SLC5A4: variants seen among roughly 807,000 people sequenced by gnomAD.
The protein encoded by SLC5A4 is probable glucose sensor protein SLC5A4.
Under a neutral mutation model 70.3 loss-of-function variants are expected in SLC5A4, and 55 were observed. The observed-to-expected ratio is 0.78, with a 90% CI of 0.63 to 0.98. The LOEUF (loss-of-function observed/expected upper bound fraction) is 0.98, where lower values mean the gene tolerates loss of function less well. Among genes scored for constraint, SLC5A4 ranks in the 50% least tolerant of loss-of-function variants. The probability of loss-of-function intolerance (pLI) is 0.00; values close to 1 mark genes in which losing one functional copy is unlikely to be tolerated. For synonymous variants in SLC5A4, 268 were observed against 305.7 expected, an observed-to-expected ratio of 0.88 and a Z score of 1.29; for missense variants, 735 against 839.2, an observed-to-expected ratio of 0.88 and a Z score of 1.53.
the SLC5A4 span, among the ~76,000 whole-genome samples, chr22:32,320,333 C>T: frequency 7.9e-5 from 12 of 152,154 alleles, no homozygotes; most frequent in South Asian, 2.1e-4. Flanking sequence ...TACAGATGCC[C>T]ACATCCTCTG....
At chr22:32,338,292 G>A in the SLC5A4 span, among the ~76,000 whole-genome samples, 1 of 152,154 alleles carries the variant, frequency 6.6e-6, no homozygotes, top group Non-Finnish European at 1.5e-5. Context: ...TAAAATAAAT[G>A]GGCAACTCAC....
At chr22:32,311,729 T>TG in the SLC5A4 span, among the ~76,000 whole-genome samples, 4 of 151,958 alleles carry the variant, frequency 2.6e-5, no homozygotes, top group African/African-American at 9.7e-5. Flanking sequence ...CTGCCCAGCA[T>TG]GGGGCCTGGC....
chr22:32,328,484 A>T, the SLC5A4 span, among the ~76,000 whole-genome samples: 1 of 152,150 alleles, frequency 6.6e-6, no homozygotes, highest in South Asian at 2.1e-4. Flanking sequence ...TTGGGTGGTC[A>T]GCTGTCATGC....
chr22:32,336,561 G>A, the SLC5A4 span, among the ~76,000 whole-genome samples: 46 of 152,338 alleles, frequency 3.0e-4, no homozygotes, highest in East Asian at 1.3e-3. Context: ...AAACAGGTGT[G>A]CCATGTTGCC....
intron 11 of SLC5A4, among the ~76,000 whole-genome samples, chr22:32,228,580 G>A (rs1044765922): frequency 6.6e-6 from 1 of 151,600 alleles, no homozygotes; most frequent in African/African-American, 2.4e-5. Context: ...GGGTCTTCTC[G>A]AAAATTGTGA....
the SLC5A4 span, among the ~76,000 whole-genome samples, chr22:32,295,591 T>G: frequency 2.0e-5 from 2 of 99,848 alleles, 1 homozygote; most frequent in Non-Finnish European, 4.3e-5. Flanking sequence ...GAAAATTTTC[T>G]CCCATTTTGT....
chr22:32,224,155 C>T (rs1925255329), intron 13 of SLC5A4, 112 bp downstream of exon 13: 9 of 751,400 alleles, frequency 1.2e-5, no homozygotes, highest in African/African-American at 3.5e-5. Flanking sequence ...CTCCTGACCT[C>T]GTGATCCGCC....
At chr22:32,259,165 C>A (rs1410393082), upstream of SLC5A4, among the ~76,000 whole-genome samples, 1 of 152,162 alleles carries the variant, frequency 6.6e-6, no homozygotes, top group Admixed American at 6.5e-5. Context: ...ATTGTACCTA[C>A]AATTAAGTAC....
chr22:32,287,827 C>T, the SLC5A4 span, among the ~76,000 whole-genome samples: 1 of 151,438 alleles, frequency 6.6e-6, no homozygotes. Context: ...TGTCTTCATT[C>T]TCTCCATTTA....
At chr22:32,234,193 G>A (rs1384055137) in intron 8 of SLC5A4, among the ~76,000 whole-genome samples, 2 of 152,220 alleles carry the variant, frequency 1.3e-5, no homozygotes, top group Non-Finnish European at 2.9e-5. Context: ...GGGTTATAGG[G>A]TCTGAGAGCA....
chr22:32,303,440 T>C, the SLC5A4 span, among the ~76,000 whole-genome samples: 2 of 152,212 alleles, frequency 1.3e-5, no homozygotes, highest in Middle Eastern at 3.2e-3. Flanking sequence ...TACCTTAGTT[T>C]GGCTTTAGTG....
At chr22:32,249,676 A>G (rs1046259775) in intron 3 of SLC5A4, among the ~76,000 whole-genome samples, 1 of 152,232 alleles carries the variant, frequency 6.6e-6, no homozygotes, top group African/African-American at 2.4e-5. Context: ...ACTTTCCTTT[A>G]CACAGGCATC....
At chr22:32,349,427 A>C in the SLC5A4 span, among the ~76,000 whole-genome samples, 20 of 152,330 alleles carry the variant, frequency 1.3e-4, no homozygotes, top group East Asian at 3.9e-3. Context: ...GGCTAACTCC[A>C]CCTGTCCCAG....
At chr22:32,260,479 C>T in the SLC5A4 span, among the ~76,000 whole-genome samples, 9 of 149,694 alleles carry the variant, frequency 6.0e-5, no homozygotes, top group Non-Finnish European at 1.2e-4. Flanking sequence ...TGTATTCCCC[C>T]AACACCAACC....
the SLC5A4 span, among the ~76,000 whole-genome samples, chr22:32,300,041 A>C: frequency 6.9e-6 from 1 of 145,536 alleles, no homozygotes; most frequent in Non-Finnish European, 1.5e-5. Flanking sequence ...TGCTGGGAGA[A>C]CCACTGCTCT....
At chr22:32,261,714 T>A in the SLC5A4 span, among the ~76,000 whole-genome samples, 7 of 152,260 alleles carry the variant, frequency 4.6e-5, no homozygotes, top group African/African-American at 1.7e-4. Flanking sequence ...TGTTTTTTAA[T>A]GTACAATTAA....
chr22:32,333,868 C>A, the SLC5A4 span, among the ~76,000 whole-genome samples: 1 of 150,426 alleles, frequency 6.6e-6, no homozygotes, highest in Non-Finnish European at 1.5e-5. Context: ...CCACAGACAC[C>A]CACAATACAC....
chr22:32,239,593 TAA>T (rs770555657), intron 5 of SLC5A4, among the ~76,000 whole-genome samples: 1 of 28,446 alleles, frequency 3.5e-5, no homozygotes, highest in Non-Finnish European at 6.5e-5. Context: ...TATATATATA[TAA>T]ATTATATAAA....
chr22:32,238,941 C>A, intron 6 of SLC5A4, 44 bp downstream of exon 6: 1 of 1,361,414 alleles, frequency 7.3e-7, no homozygotes, highest in South Asian at 1.2e-5. Context: ...GGGGTGGGAT[C>A]AGCAAAAGAT....
Sources: allele counts gnomAD v4.1 joint callset (sites outside exome capture counted in the v4.1 genomes callset), GRCh38; gene constraint gnomAD v4.1.1; transcripts MANE v1.5; gene names NCBI Gene and HGNC (gene_info 2026-07-23, HGNC 2026-07-21).